QTMAN: variants seen among roughly 807,000 people sequenced by gnomAD.
The protein encoded by QTMAN is queuosine-tRNA mannosyltransferase.
chr2:144,253,917 G>A, the QTMAN span, among the ~76,000 whole-genome samples: 1 of 152,222 alleles, frequency 6.6e-6, no homozygotes, highest in Non-Finnish European at 1.5e-5. Context: ...AGGCCCAGAG[G>A]CCTAGGAGGG....
At chr2:144,138,524 T>C in the QTMAN span, among the ~76,000 whole-genome samples, 6 of 151,912 alleles carry the variant, frequency 3.9e-5, no homozygotes, top group Non-Finnish European at 7.4e-5. Flanking sequence ...ATTGATGATG[T>C]AGAATAGACC....
chr2:144,043,107 C>T, the QTMAN span, among the ~76,000 whole-genome samples: 1 of 152,080 alleles, frequency 6.6e-6, no homozygotes, highest in South Asian at 2.1e-4. Context: ...CCTTTTTTTC[C>T]CCGCAATGGG....
At chr2:143,942,886 A>G in the QTMAN span, 1 of 155,816 alleles carries the variant, frequency 6.4e-6, no homozygotes, top group Non-Finnish European at 1.5e-5. Context: ...ATAGCCTGAT[A>G]GCAAAACTAG....
the QTMAN span, among the ~76,000 whole-genome samples, chr2:144,128,538 C>T: frequency 6.6e-6 from 1 of 152,012 alleles, no homozygotes; most frequent in South Asian, 2.1e-4. Context: ...TTGACTAATC[C>T]TATTCTACTA....
the QTMAN span, among the ~76,000 whole-genome samples, chr2:144,148,206 CAAATTATTTAG>C: frequency 6.6e-6 from 1 of 151,500 alleles, no homozygotes; most frequent in Non-Finnish European, 1.5e-5. Flanking sequence ...AGATTCATGT[CAAATTATTTAG>C]ATGTGAAATG....
the QTMAN span, among the ~76,000 whole-genome samples, chr2:144,114,685 TACAAA>T: frequency 0.058 from 8,708 of 149,666 alleles, 756 homozygotes; most frequent in African/African-American, 0.19. Flanking sequence ...GTGCCCACAC[TACAAA>T]ACAAAACAAA....
chr2:144,247,766 C>T, the QTMAN span, among the ~76,000 whole-genome samples: 2 of 152,144 alleles, frequency 1.3e-5, no homozygotes, highest in Non-Finnish European at 2.9e-5. Context: ...CTTGACTTCC[C>T]GGGCTCAGGA....
At chr2:144,202,556 G>C in the QTMAN span, among the ~76,000 whole-genome samples, 1 of 152,086 alleles carries the variant, frequency 6.6e-6, no homozygotes. Context: ...GCAAAACTAT[G>C]ATGCTCCTTA....
the QTMAN span, chr2:144,011,656 A>C: frequency 3.2e-6 from 3 of 938,864 alleles, no homozygotes; most frequent in Non-Finnish European, 3.8e-6. Flanking sequence ...AAAAAAAAAA[A>C]GGAAATAATA....
the QTMAN span, among the ~76,000 whole-genome samples, chr2:144,329,028 G>A: frequency 2.6e-5 from 4 of 151,704 alleles, no homozygotes; most frequent in Non-Finnish European, 5.9e-5. Flanking sequence ...GGAAGCCAAG[G>A]CGGGCGATCG....
the QTMAN span, among the ~76,000 whole-genome samples, chr2:143,965,173 T>C: frequency 6.6e-6 from 1 of 152,134 alleles, no homozygotes; most frequent in African/African-American, 2.4e-5. Context: ...TCATTTGTAA[T>C]ATGGAGTCTG....
chr2:144,172,053 T>C, the QTMAN span, among the ~76,000 whole-genome samples: 1 of 152,062 alleles, frequency 6.6e-6, no homozygotes, highest in African/African-American at 2.4e-5. Flanking sequence ...ATTATAAAAA[T>C]CTTATGACAT....
At chr2:144,209,048 T>C in the QTMAN span, among the ~76,000 whole-genome samples, 4 of 152,204 alleles carry the variant, frequency 2.6e-5, no homozygotes, top group African/African-American at 7.2e-5. Flanking sequence ...TGTCATAAGA[T>C]TGTCTCCACT....
chr2:144,277,860 C>T, the QTMAN span, among the ~76,000 whole-genome samples: 1 of 152,152 alleles, frequency 6.6e-6, no homozygotes, highest in Non-Finnish European at 1.5e-5. Context: ...CAATCCCATT[C>T]TAGCATGTCA....
the QTMAN span, among the ~76,000 whole-genome samples, chr2:144,138,900 T>A: frequency 6.6e-6 from 1 of 152,072 alleles, no homozygotes; most frequent in Non-Finnish European, 1.5e-5. Context: ...TGCTAATAAG[T>A]ATGACATGCT....
At chr2:144,145,775 G>A in the QTMAN span, 35 of 1,567,166 alleles carry the variant, frequency 2.2e-5, no homozygotes, top group East Asian at 4.5e-5. Flanking sequence ...ACTGTCCCAA[G>A]TATGTTTGAA....
chr2:144,058,956 T>C, the QTMAN span, among the ~76,000 whole-genome samples: 1 of 152,232 alleles, frequency 6.6e-6, no homozygotes, highest in Non-Finnish European at 1.5e-5. Flanking sequence ...TTTTCTCCAA[T>C]TTAATGTTAT....
chr2:144,182,829 A>ATATATATATATTATATATATTT, the QTMAN span, among the ~76,000 whole-genome samples: 1 of 61,178 alleles, frequency 1.6e-5, no homozygotes, highest in East Asian at 4.6e-4. Flanking sequence ...TATATATATA[A>ATATATATATATTATATATATTT]TATATATATA....
chr2:144,062,616 T>C, the QTMAN span, among the ~76,000 whole-genome samples: 1 of 152,250 alleles, frequency 6.6e-6, no homozygotes, highest in African/African-American at 2.4e-5. Context: ...TACTAAGGGC[T>C]TTCTAATTTG....
Sources: gnomAD v4.1 joint callset for allele counts (sites outside exome capture counted in the v4.1 genomes callset) on GRCh38, gnomAD v4.1.1 for gene constraint, MANE v1.5 for transcripts, NCBI Gene and HGNC (gene_info 2026-07-23, HGNC 2026-07-21) for gene names.